The following DNAJC3 variants were observed in gnomAD, a reference collection of about 807,000 sequenced individuals.
The protein encoded by DNAJC3 is DnaJ heat shock protein family (Hsp40) member C3, also known as dnaJ homolog subfamily C member 3.
In DNAJC3, 38 loss-of-function variants were observed where a neutral mutation model predicts 68.6. The ratio of observed to expected loss-of-function variants is 0.55; its 90% CI spans 0.43 to 0.73. The LOEUF (loss-of-function observed/expected upper bound fraction) is 0.73, where lower values mean the gene tolerates loss of function less well. DNAJC3 is among the 30% of genes least tolerant of loss of function. The pLI is 0.00. For synonymous variants in DNAJC3, 203 were observed against 204.0 expected, an observed-to-expected ratio of 1.00 and a Z score of 0.04; for missense variants, 526 against 591.9, an observed-to-expected ratio of 0.89 and a Z score of 1.16.
chr13:95,712,186 T>G (rs1162374690), intron 2 of DNAJC3, among the ~76,000 whole-genome samples: 1 of 152,120 alleles, frequency 6.6e-6, no homozygotes, highest in Non-Finnish European at 1.5e-5. Flanking sequence ...AAAAAGCACC[T>G]TTTAAACAGT....
Position 95,760,659 on chromosome 13 carries a change from T to C in DNAJC3, c.729-20T>C. 1 of 1,589,024 alleles carries C rather than the reference T, an allele frequency of 6.3e-7. No homozygotes were observed. The highest frequency in any genetic ancestry group is 8.5e-7 in the Non-Finnish European group (1 of 1,170,424). On this transcript the variant is annotated intron_variant, in intron 6 of 11. Coordinates refer to ENST00000602402, the MANE Select transcript of DNAJC3 (RefSeq NM_006260.5). ...ATTGTTTTGACATGGAGTATTTTCC[T>C]TTTTTAAATACATGAACAGTGAAGT...
chr13:95,766,717 T>C (rs1594016741), intron 9 of DNAJC3, among the ~76,000 whole-genome samples: 2 of 151,320 alleles, frequency 1.3e-5, no homozygotes, highest in Non-Finnish European at 2.9e-5. Context: ...TTTTTTGAGA[T>C]GGAGTCTTGC....
At chr13:95,735,795 T>C in intron 4 of DNAJC3, among the ~76,000 whole-genome samples, 1 of 152,186 alleles carries the variant, frequency 6.6e-6, no homozygotes, top group East Asian at 1.9e-4. Context: ...GATGATAGTT[T>C]CTTTTGCTGT....
chr13:95,759,636 T>G (rs577675456), intron 5 of DNAJC3, among the ~76,000 whole-genome samples: 3 of 152,336 alleles, frequency 2.0e-5, no homozygotes, highest in Non-Finnish European at 4.4e-5. Flanking sequence ...TTTTTTTGAC[T>G]ACAAATTAGA....
At chr13:95,744,637 T>C (rs1882249763) in intron 4 of DNAJC3, 2 of 152,202 alleles carry the variant, frequency 1.3e-5, no homozygotes, top group South Asian at 2.1e-4. Flanking sequence ...ATAGTCCTGC[T>C]CAAGGACGGT....
At position 95,703,363 on chromosome 13, in the gene DNAJC3, T is replaced by A. The variant is rs188885570; in HGVS notation, c.83-5864T>A. 4.6e-5 allele frequency among the ~76,000 whole-genome samples: 7 copies of A among 152,316 alleles called. No homozygotes were observed. The East Asian group carries it at 1.4e-3, about 29-fold the overall frequency. ...ACCTGACAGTACTTCAGTACTATGC[T>A]TGGGAGTCACTCAAAGTGGTGAAAT... On this transcript the variant is annotated intron_variant, in intron 1 of 11. Coordinates refer to ENST00000602402, the MANE Select transcript of DNAJC3 (RefSeq NM_006260.5).
chr13:95,736,309 T>C, intron 4 of DNAJC3, among the ~76,000 whole-genome samples: 1 of 151,964 alleles, frequency 6.6e-6, no homozygotes, highest in East Asian at 1.9e-4. Context: ...ATGCGGGCTC[T>C]TTTTTGGTTC....
chr13:95,695,292 TC>T (rs1305550945), intron 1 of DNAJC3: 2 of 152,094 alleles, frequency 1.3e-5, no homozygotes, highest in African/African-American at 4.8e-5. Context: ...TTCTAATAAC[TC>T]TAGTATTATT....
intron 1 of DNAJC3, among the ~76,000 whole-genome samples, chr13:95,687,973 C>G (rs1293976195): frequency 1.3e-5 from 2 of 152,080 alleles, no homozygotes; most frequent in South Asian, 2.1e-4. Context: ...TAATAGTTCT[C>G]CCTTTAGCAA....
intron 4 of DNAJC3, among the ~76,000 whole-genome samples, chr13:95,755,812 T>G (rs1882644447): frequency 7.6e-6 from 1 of 131,906 alleles, no homozygotes; most frequent in Non-Finnish European, 1.6e-5. Flanking sequence ...CCCAAAACCC[T>G]AATTTCATCT....
intron 1 of DNAJC3, among the ~76,000 whole-genome samples, chr13:95,696,343 G>T (rs958096071): frequency 6.6e-6 from 1 of 152,120 alleles, no homozygotes; most frequent in Non-Finnish European, 1.5e-5. Flanking sequence ...TAACACTTGG[G>T]AGTGACTATA....
intron 9 of DNAJC3, among the ~76,000 whole-genome samples, chr13:95,782,011 G>C (rs927628851): frequency 1.3e-5 from 2 of 152,002 alleles, no homozygotes; most frequent in African/African-American, 4.8e-5. Flanking sequence ...GTGTCCACAT[G>C]TTCCCATTGT....
In DNAJC3 at chr13:95,686,635, T is replaced by C. The variant is rs542072541; in HGVS notation, c.82+9298T>C. ...ACCATTTATTGAATTAGGGTGTCCT[T>C]TCCCTGTTGTTTATATTTGTCAGCT... On this transcript the variant is annotated intron_variant, in intron 1 of 11. Coordinates refer to ENST00000602402, the MANE Select transcript of DNAJC3 (RefSeq NM_006260.5). 2.0e-5 allele frequency among the ~76,000 whole-genome samples: 3 copies of C among 152,348 alleles called. No individual in the cohort carries two copies. The South Asian group carries it at 6.2e-4, about 32-fold the overall frequency.
intron 3 of DNAJC3, among the ~76,000 whole-genome samples, 181 bp downstream of exon 3, chr13:95,723,547 G>A (rs978016653): frequency 3.9e-5 from 6 of 152,162 alleles, no homozygotes; most frequent in Non-Finnish European, 7.4e-5. Context: ...CTGTGTGAAA[G>A]AGAACAGCGG....
At chr13:95,710,859 G>C (rs1156907918) in intron 2 of DNAJC3, among the ~76,000 whole-genome samples, 1 of 151,670 alleles carries the variant, frequency 6.6e-6, no homozygotes, top group East Asian at 1.9e-4. Context: ...GCTAATTTTT[G>C]TATTTTTTTT....
In DNAJC3 at chr13:95,704,851, G is replaced by GTTTTTTTGTTTTTT. The variant is rs1437981663; in HGVS notation, c.83-4369_83-4368insGTTTTTTTTTTTTT. On this transcript the variant is annotated intron_variant, in intron 1 of 11. Transcript: ENST00000602402. ...AGAAAGGACTAATCTGTGTGTGTGT[G>GTTTTTTTGTTTTTT]TTTTTTTTTTTTTTTTTTGAGACAG... Among the ~76,000 whole-genome samples the GTTTTTTTGTTTTTT allele has an allele frequency of 1.0e-3, 98 of 97,840 alleles. 13 individuals carry two copies. The highest frequency in any genetic ancestry group is 5.5e-3 in the African/African-American group (92 of 16,738). 64.2% of individuals were successfully genotyped at this position (97,840 alleles called of 152,430 possible). A position where few individuals can be genotyped will look rare whatever the true frequency, so the allele number is the denominator to read the frequency against.
At chr13:95,702,302 T>C (rs1880606041) in intron 1 of DNAJC3, among the ~76,000 whole-genome samples, 1 of 152,182 alleles carries the variant, frequency 6.6e-6, no homozygotes, top group Admixed American at 6.5e-5. Context: ...TTTTCTTCTG[T>C]AATGTCCTTC....
intron 4 of DNAJC3, among the ~76,000 whole-genome samples, chr13:95,742,095 C>T (rs770262580): frequency 6.6e-5 from 10 of 152,122 alleles, no homozygotes; most frequent in Non-Finnish European, 1.2e-4. Flanking sequence ...AGGCAGGTGG[C>T]TGGGGAGCAC....
In DNAJC3 at chr13:95,786,996, C is replaced by A; in HGVS notation, c.1209-11C>A. ...TTTCCACTAATGATTATTTATTTTA[C>A]CACCCCTCAGAAATGCCAAAAAGCA... is the stretch of plus-strand genomic sequence containing the variant. On this transcript the variant is annotated splice_polypyrimidine_tract_variant and intron_variant, in intron 10 of 11. Coordinates refer to ENST00000602402, the MANE Select transcript of DNAJC3 (RefSeq NM_006260.5). 6.3e-7 allele frequency: 1 copy of A among 1,593,820 alleles called. No homozygotes were observed. The highest frequency in any genetic ancestry group is 1.2e-5 in the South Asian group (1 of 86,590).
Sources: gnomAD v4.1 joint callset for allele counts (sites outside exome capture counted in the v4.1 genomes callset) on GRCh38, gnomAD v4.1.1 for gene constraint, MANE v1.5 for transcripts, NCBI Gene and HGNC (gene_info 2026-07-23, HGNC 2026-07-21) for gene names.